Variants in UTP15 observed in about 807,000 individuals in gnomAD.
UTP15 encodes the protein U3 small nucleolar RNA-associated protein 15 homolog.
In UTP15, 5 loss-of-function variants were observed where a neutral mutation model predicts 59.1. The observed-to-expected ratio is 0.08, with a 90% CI of 0.04 to 0.18. The LOEUF is 0.18. UTP15 is among the 10% of genes least tolerant of loss of function. The pLI is 1.00. For synonymous variants in UTP15, 211 were observed against 212.2 expected (o/e 0.99, Z 0.05); for missense variants, 494 against 616.7 (o/e 0.80, Z 2.11).
In UTP15 at chr5:73,565,765, G is replaced by C. The variant is rs535997338; in HGVS notation, c.-231G>C. On this transcript the variant is annotated 5_prime_UTR_variant, in exon 1 of 13. Transcript: ENST00000296792. ...GGTACGTCATCTTCGCGCGACGTTCGGTTCGCTGTGTGTGTCGCCGGCTCC... is the reference window on the plus strand; with the variant it reads ...GGTACGTCATCTTCGCGCGACGTTCCGTTCGCTGTGTGTGTCGCCGGCTCC... 3.5e-5 allele frequency: 16 copies of C among 456,242 alleles called. No homozygotes were observed. The highest frequency in any genetic ancestry group is 3.0e-4 in the African/African-American group (15 of 50,186). The allele number at this position is 456,242 out of a possible 1,614,324, so 28.3% of individuals were successfully genotyped here.
rs1748203379 is a variant in UTP15 at position 73,578,734 on chromosome 5, T to C, written c.1045-17T>C. On this transcript the variant is annotated splice_polypyrimidine_tract_variant and intron_variant, in intron 9 of 12. Coordinates refer to ENST00000296792, the MANE Select transcript of UTP15 (RefSeq NM_032175.4). ...GATGCTGATTTTCCTTCTCTATAAA[T>C]GTACTTTTCATTGCAGGATGACATT... 6.2e-7 allele frequency: 1 copy of C among 1,607,840 alleles called. No individual in the cohort carries two copies. The highest frequency in any genetic ancestry group is 8.5e-7 in the Non-Finnish European group (1 of 1,174,510).
intron 2 of UTP15, 27 bp from the exon 3 acceptor site, chr5:73,568,208 G>A (rs1414780168): frequency 6.4e-7 from 1 of 1,561,146 alleles, no homozygotes; most frequent in Non-Finnish European, 8.7e-7. Flanking sequence ...TGGTAACTCT[G>A]TTAACACACT....
rs1748259302 is a variant in UTP15 at position 73,580,223 on chromosome 5, G to C, written c.*129G>C. On this transcript the variant is annotated 3_prime_UTR_variant, in exon 13 of 13. Transcript: ENST00000296792. ...AGAAGCAGTTCTGTGGAAGAGACTG[G>C]AATAATTATGGCCGGAAAACAAGTA... 1 of 681,694 alleles carries C rather than the reference G, an allele frequency of 1.5e-6. No homozygotes were observed. The highest frequency in any genetic ancestry group is 1.8e-5 in the African/African-American group (1 of 54,152). 42.2% of individuals were successfully genotyped at this position (681,694 alleles called of 1,614,324 possible). A position where few individuals can be genotyped will look rare whatever the true frequency, so the allele number is the denominator to read the frequency against.
chr5:73,576,589 C>T (rs1748106201), intron 7 of UTP15, among the ~76,000 whole-genome samples: 1 of 152,084 alleles, frequency 6.6e-6, no homozygotes, highest in African/African-American at 2.4e-5. Context: ...ATTCTCCTGC[C>T]TCAGCTTCCC....
rs771746342 is a variant in UTP15, at chr5:73,570,692, A to G, written c.654A>G (p.Gly218=). The change falls in exon 6 of 13, where the codon GGA becomes GGG. Residue 218 remains glycine, a synonymous_variant. Transcript: ENST00000296792. ...PVESVLLFPS[G]GLLVSAGGRY... ...AGAGTGTCCTACTTTTCCCCTCTGGAGGTCTTCTGGTGTCAGCAGGTACTT... is the reference window on the plus strand; with the variant it reads ...AGAGTGTCCTACTTTTCCCCTCTGGGGGTCTTCTGGTGTCAGCAGGTACTT... The G allele has an allele frequency of 1.9e-6, 3 of 1,614,102 alleles. No homozygotes were observed. In the South Asian group the frequency reaches 3.3e-5, roughly 18 times the overall value.
chr5:73,577,885 G>T lies in UTP15; in HGVS notation c.924G>T (p.Met308Ile). 2 of 1,593,910 alleles carry T rather than the reference G, an allele frequency of 1.3e-6. No homozygotes were observed. The highest frequency in any genetic ancestry group is 2.3e-5 in the South Asian group (2 of 87,626). The stretch of plus-strand genomic sequence containing the variant: ...AAGATGAGACAATAGTTGTAGGAAT[G>T]ACCAATGGAATACTGAGTGTTAAAC... ...AHEDETIVVGMTNGILSVKHR... is the reference protein window; with the variant it reads ...AHEDETIVVGITNGILSVKHR... Residue 308 changes from methionine to isoleucine, a missense_variant, in exon 9 of 13, where the codon ATG (methionine) becomes ATT (isoleucine). By Grantham distance (10) the Met-to-Ile change is conservative. Coordinates refer to ENST00000296792, the MANE Select transcript of UTP15 (RefSeq NM_032175.4).
chr5:73,566,066 A>G, intron 1 of UTP15, 154 bp downstream of exon 1: 1 of 346,612 alleles, frequency 2.9e-6, no homozygotes, highest in Non-Finnish European at 5.7e-6. Flanking sequence ...GCTTCGACCT[A>G]GGTTCTTCTC....
At chr5:73,575,814 C>G (rs1748073048) in intron 7 of UTP15, among the ~76,000 whole-genome samples, 1 of 151,786 alleles carries the variant, frequency 6.6e-6, no homozygotes, top group African/African-American at 2.4e-5. Flanking sequence ...CTTCTGCCTC[C>G]TGGGTTCATG....
At chr5:73,576,205 A>C (rs985246426) in intron 7 of UTP15, among the ~76,000 whole-genome samples, 1 of 151,478 alleles carries the variant, frequency 6.6e-6, no homozygotes, top group African/African-American at 2.4e-5. Context: ...CCCAGGTTGA[A>C]GCAATTCTCA....
chr5:73,578,548 G>GCTTACTCTCTT, intron 9 of UTP15: 1 of 507,916 alleles, frequency 2.0e-6, no homozygotes, highest in East Asian at 3.2e-5. Context: ...AGAACATGTT[G>GCTTACTCTCTT]ATGTAGCAAG....
In UTP15 at chr5:73,577,954, A is replaced by G. The variant is rs755416766; in HGVS notation, c.993A>G (p.Arg331=). ...AGAAGGAATCACTTCCCAGAAGAAG[A>G]AGGCCTGCATATCGAACCTTTATTA... is the stretch of plus-strand genomic sequence containing the variant. ...EAKKESLPRR[R]RPAYRTFIKG... Residue 331 remains arginine (R), a synonymous_variant, in exon 9 of 13, where the codon AGA becomes AGG. Coordinates refer to ENST00000296792, the MANE Select transcript of UTP15 (RefSeq NM_032175.4). The G allele has an allele frequency of 2.5e-6, 4 of 1,588,168 alleles. No homozygotes were observed. In the East Asian group the frequency reaches 9.1e-5, roughly 36 times the overall value.
Position 73,568,469 on chromosome 5 carries a change from G to T in UTP15, c.233G>T (p.Arg78Leu), listed in dbSNP as rs1194102078. The change falls in exon 4 of 13, where the codon CGA becomes CTA. Residue 78 changes from arginine to leucine, a missense_variant. Transcript: ENST00000296792. ...YSQEPIKTFS[R>L]FKDTAYCATF... The stretch of plus-strand genomic sequence containing the variant: ...CAAGAACCTATAAAAACCTTTTCTC[G>T]ATTTAAAGACACAGCATACTGTGCT... The T allele has an allele frequency of 6.2e-7, 1 of 1,613,450 alleles. No homozygotes were observed. The highest frequency in any genetic ancestry group is 8.5e-7 in the Non-Finnish European group (1 of 1,179,768).
chr5:73,569,694 C>T lies in UTP15; in HGVS notation c.547+19C>T, dbSNP rs1747876908. The T allele has an allele frequency of 6.4e-7, 1 of 1,550,710 alleles. No homozygotes were observed. The highest frequency in any genetic ancestry group is 1.2e-5 in the South Asian group (1 of 81,022). On this transcript the variant is annotated intron_variant, in intron 5 of 12. Transcript: ENST00000296792. The stretch of plus-strand genomic sequence containing the variant: ...ATAACAGGTTGGTGAACTCTATTCC[C>T]TCCTGAAGCAAATAATCTCACGGGG...
Position 73,580,059 on chromosome 5 carries a change from G to C in UTP15, c.1522G>C (p.Asp508His). Residue 508 changes from aspartate to histidine, a missense_variant, in exon 13 of 13, where the codon GAT becomes CAT. By Grantham distance (81) the Asp-to-His change is moderately conservative. Transcript: ENST00000296792. ...EGTSVLEHTS[D>H]GFPENKKIES ...CACTTCTGTGTTGGAACACACATCTGATGGATTTCCAGAGAATAAGAAGAT... is the reference window on the plus strand; with the variant it reads ...CACTTCTGTGTTGGAACACACATCTCATGGATTTCCAGAGAATAAGAAGAT... The C allele has an allele frequency of 6.2e-7, 1 of 1,613,728 alleles. No homozygotes were observed. Among genetic ancestry groups the C allele is most frequent in the South Asian group, 1.1e-5 (1 of 91,048 alleles).
intron 7 of UTP15, among the ~76,000 whole-genome samples, chr5:73,573,735 G>A (rs1010171926): frequency 1.3e-5 from 2 of 151,534 alleles, no homozygotes; most frequent in South Asian, 2.1e-4. Context: ...CACCTTGCCC[G>A]GCTAATTTTT....
At chr5:73,575,184 A>G (rs1167686487) in intron 7 of UTP15, among the ~76,000 whole-genome samples, 2 of 152,250 alleles carry the variant, frequency 1.3e-5, no homozygotes, top group African/African-American at 2.4e-5. Flanking sequence ...TATTTTTAAT[A>G]CAAAGGAATT....
At chr5:73,570,545 T>G in intron 5 of UTP15, 41 bp from the exon 6 acceptor site, 1 of 1,605,480 alleles carries the variant, frequency 6.2e-7, no homozygotes, top group Non-Finnish European at 8.5e-7. Context: ...TTTTTGTTGT[T>G]TTAAACAGTC....
rs150771823 is a variant in UTP15, at chr5:73,572,035, G to A, written c.674-454G>A. ...GTGCCACATAGGAGTGGAGAGGTGG[G>A]AACTGTGAGTTGGGTTCCAACTCCT... On this transcript the variant is annotated intron_variant, in intron 6 of 12. Coordinates refer to ENST00000296792, the MANE Select transcript of UTP15 (RefSeq NM_032175.4). 6.6e-3 allele frequency among the ~76,000 whole-genome samples: 999 copies of A among 152,208 alleles called. 6 individuals carry two copies. The highest frequency in any genetic ancestry group is 0.01 in the Middle Eastern group (3 of 294).
At chr5:73,574,351 T>A (rs1362720827) in intron 7 of UTP15, among the ~76,000 whole-genome samples, 2 of 152,096 alleles carry the variant, frequency 1.3e-5, no homozygotes, top group East Asian at 3.8e-4. Flanking sequence ...TTATAAAAAT[T>A]ACTGTCTCAG....
Sources: gnomAD v4.1 joint callset for allele counts (sites outside exome capture counted in the v4.1 genomes callset) on GRCh38, gnomAD v4.1.1 for gene constraint, MANE v1.5 for transcripts, NCBI Gene and HGNC (gene_info 2026-07-23, HGNC 2026-07-21) for gene names.